Variants in TERF1 observed in about 807,000 individuals in gnomAD.
The protein encoded by TERF1 is telomeric repeat binding factor 1, also known as telomeric repeat-binding factor 1.
In TERF1, 20 loss-of-function variants were observed where a neutral mutation model predicts 55.1. The observed-to-expected ratio is 0.36, with a 90% CI of 0.26 to 0.53. The LOEUF (loss-of-function observed/expected upper bound fraction) is 0.53, where lower values mean the gene tolerates loss of function less well. Among genes scored for constraint, TERF1 ranks in the 20% least tolerant of loss-of-function variants. The pLI is 0.91. For synonymous variants in TERF1, 168 were observed against 181.2 expected, an observed-to-expected ratio of 0.93 and a Z score of 0.59; for missense variants, 439 against 535.7, an observed-to-expected ratio of 0.82 and a Z score of 1.78.
chr8:73,037,715 A>G (rs111215903), intron 8 of TERF1, among the ~76,000 whole-genome samples: 1 of 89,206 alleles, frequency 1.1e-5, no homozygotes, highest in South Asian at 2.5e-4. Context: ...TATATTATAT[A>G]TAATATATAT....
intron 8 of TERF1, 27 bp downstream of exon 8, chr8:73,032,160 A>G: frequency 6.6e-7 from 1 of 1,517,580 alleles, no homozygotes; most frequent in Non-Finnish European, 9.0e-7. Context: ...CAGTTTTAGA[A>G]GGGGAGAATT....
At chr8:73,030,567 A>G in intron 7 of TERF1, 172 bp downstream of exon 7, 1 of 453,074 alleles carries the variant, frequency 2.2e-6, no homozygotes, top group Non-Finnish European at 3.9e-6. Flanking sequence ...TCCAAACTGT[A>G]GAGACCTGCT....
At chr8:73,040,074 A>G (rs1284864350) in intron 9 of TERF1, among the ~76,000 whole-genome samples, 1 of 144,440 alleles carries the variant, frequency 6.9e-6, no homozygotes, top group Non-Finnish European at 1.5e-5. Context: ...GTCAAGTTGC[A>G]CGCTACTCGG....
intron 1 of TERF1, chr8:73,012,933 TA>T (rs1166482961): frequency 2.2e-6 from 1 of 456,102 alleles, no homozygotes; most frequent in Non-Finnish European, 4.4e-6. Flanking sequence ...AGATGTTCAG[TA>T]AATATTGAAT....
chr8:73,041,791 G>A (rs55688729), intron 9 of TERF1, among the ~76,000 whole-genome samples: 1 of 152,094 alleles, frequency 6.6e-6, no homozygotes, highest in South Asian at 2.1e-4. Context: ...GACCTGGGGG[G>A]GCTCCTGGAG....
At chr8:73,032,493 C>T (rs1809329509) in intron 8 of TERF1, among the ~76,000 whole-genome samples, 1 of 152,018 alleles carries the variant, frequency 6.6e-6, no homozygotes, top group South Asian at 2.1e-4. Flanking sequence ...GATAATGTGG[C>T]ACTTGATATT....
intron 8 of TERF1, among the ~76,000 whole-genome samples, chr8:73,035,359 A>G (rs1809467964): frequency 6.6e-6 from 1 of 152,106 alleles, no homozygotes; most frequent in South Asian, 2.1e-4. Context: ...TTAATTTCCA[A>G]ATATCTTTCT....
intron 8 of TERF1, 91 bp downstream of exon 8, chr8:73,032,224 C>A (rs35034626): frequency 1.2e-6 from 1 of 844,538 alleles, no homozygotes; most frequent in Non-Finnish European, 1.8e-6. Flanking sequence ...CAAAAAAACA[C>A]ACACTTCAGA....
intron 1 of TERF1, chr8:73,010,512 A>G (rs1808240143): frequency 6.6e-6 from 1 of 152,204 alleles, no homozygotes; most frequent in South Asian, 2.1e-4. Flanking sequence ...TACTATACAA[A>G]TATGTATTTC....
chr8:73,025,770 A>C (rs1808959171), intron 5 of TERF1, among the ~76,000 whole-genome samples: 1 of 150,094 alleles, frequency 6.7e-6, no homozygotes, highest in South Asian at 2.1e-4. Flanking sequence ...AAAAAAAAAA[A>C]AAAAAAAAAA....
intron 9 of TERF1, among the ~76,000 whole-genome samples, chr8:73,039,861 G>C (rs1316956789): frequency 6.7e-6 from 1 of 150,202 alleles, no homozygotes; most frequent in African/African-American, 2.4e-5. Context: ...ATGTTGCCCA[G>C]GCTGGTCTTG....
chr8:73,037,757 AT>A (rs1319903334), intron 8 of TERF1, among the ~76,000 whole-genome samples: 19 of 75,608 alleles, frequency 2.5e-4, no homozygotes, highest in South Asian at 5.9e-4. Flanking sequence ...TATATATAAT[AT>A]TATATAGTAT....
intron 6 of TERF1, 188 bp from the exon 7 acceptor site, chr8:73,030,148 C>G (rs1246532989): frequency 7.6e-6 from 3 of 395,944 alleles, no homozygotes; most frequent in Non-Finnish European, 9.0e-6. Context: ...GGTTTAATAC[C>G]TCTTATAAGC....
chr8:73,037,803 A>G (rs1160637063), intron 8 of TERF1, among the ~76,000 whole-genome samples: 1 of 96,532 alleles, frequency 1.0e-5, no homozygotes, highest in Non-Finnish European at 1.8e-5. Context: ...TAGTATAATA[A>G]TATATATATT....
intron 8 of TERF1, among the ~76,000 whole-genome samples, chr8:73,037,298 A>C (rs1248863629): frequency 7.3e-6 from 1 of 136,320 alleles, no homozygotes; most frequent in Admixed American, 8.4e-5. Context: ...TATCTATCTT[A>C]TCTACCTATC....
At chr8:73,045,513 T>C (rs1357086245) in intron 9 of TERF1, among the ~76,000 whole-genome samples, 1 of 152,208 alleles carries the variant, frequency 6.6e-6, no homozygotes, top group Non-Finnish European at 1.5e-5. Flanking sequence ...TTAGACAAGA[T>C]TTGAGTTTTA....
chr8:73,022,923 C>T (rs572843343), intron 4 of TERF1, among the ~76,000 whole-genome samples: 8 of 152,202 alleles, frequency 5.3e-5, no homozygotes, highest in African/African-American at 1.7e-4. Context: ...CAGAGAGAGA[C>T]GCTGTCTCTA....
intron 2 of TERF1, among the ~76,000 whole-genome samples, chr8:73,016,619 C>G (rs1419883180): frequency 1.3e-5 from 2 of 151,792 alleles, no homozygotes; most frequent in Non-Finnish European, 2.9e-5. Context: ...TTTGTAGAGA[C>G]GAGGTCTCAT....
At chr8:73,042,940 C>A (rs1809893011) in intron 9 of TERF1, 1 of 152,142 alleles carries the variant, frequency 6.6e-6, no homozygotes, top group African/African-American at 2.4e-5. Flanking sequence ...TCCAGAAATA[C>A]ATCATCTTAA....
Sources: gnomAD v4.1 joint callset for allele counts (sites outside exome capture counted in the v4.1 genomes callset) on GRCh38, gnomAD v4.1.1 for gene constraint, MANE v1.5 for transcripts, NCBI Gene and HGNC (gene_info 2026-07-23, HGNC 2026-07-21) for gene names.